Variants in MED12L observed in about 807,000 individuals in gnomAD.
The protein encoded by MED12L is mediator of RNA polymerase II transcription subunit 12-like protein.
In MED12L, 60 loss-of-function variants were observed where a neutral mutation model predicts 281.3. The observed-to-expected ratio is 0.21, with a 90% confidence interval of 0.17 to 0.26. The LOEUF (loss-of-function observed/expected upper bound fraction) is 0.26, where lower values mean the gene tolerates loss of function less well. Ranked by LOEUF, MED12L falls within the 10% of genes least tolerant of loss-of-function variation. The pLI, the probability that MED12L is intolerant of heterozygous loss-of-function variation, is 1.00. For synonymous variants in MED12L, 974 were observed against 987.2 expected, an observed-to-expected ratio of 0.99 and a Z score of 0.25; for missense variants, 2,146 against 2,680.9, an observed-to-expected ratio of 0.80 and a Z score of 4.41.
intron 16 of MED12L, among the ~76,000 whole-genome samples, chr3:151,310,403 CT>C (rs1236826281): frequency 1.3e-5 from 2 of 152,202 alleles, no homozygotes; most frequent in Non-Finnish European, 2.9e-5. Context: ...CTGGATTAAG[CT>C]TTGAGTTGGT....
At chr3:151,374,680 A>G (rs1756607162) in intron 27 of MED12L, among the ~76,000 whole-genome samples, 1 of 152,220 alleles carries the variant, frequency 6.6e-6, no homozygotes, top group African/African-American at 2.4e-5. Context: ...TTCAAAAATT[A>G]TTTGAACTTT....
At chr3:151,278,687 A>G (rs79088687) in intron 16 of MED12L, among the ~76,000 whole-genome samples, 2,639 of 152,316 alleles carry the variant, frequency 0.017, 77 homozygotes, top group African/African-American at 0.06. Flanking sequence ...GTCAAATTCA[A>G]CATGTGGTAT....
intron 41 of MED12L, among the ~76,000 whole-genome samples, 200 bp downstream of exon 41, chr3:151,411,707 A>G (rs969363384): frequency 6.6e-6 from 1 of 152,214 alleles, no homozygotes; most frequent in African/African-American, 2.4e-5. Context: ...TTATTTCATT[A>G]AAGATCCTTA....
chr3:151,252,757 T>C (rs898676133), intron 16 of MED12L, among the ~76,000 whole-genome samples: 2 of 152,188 alleles, frequency 1.3e-5, no homozygotes, highest in Non-Finnish European at 2.9e-5. Flanking sequence ...GGTTTGTTCA[T>C]ATGTAATCTA....
intron 38 of MED12L, among the ~76,000 whole-genome samples, 180 bp from the exon 39 acceptor site, chr3:151,394,476 T>A (rs62285887): frequency 0.026 from 4,005 of 152,352 alleles, 74 homozygotes; most frequent in Middle Eastern, 0.058. Context: ...ACTCCCCTCA[T>A]CTTTTGTAAG....
chr3:151,287,162 G>C lies in MED12L; in HGVS notation c.2251-62897G>C, dbSNP rs147214520. Among the ~76,000 whole-genome samples the C allele has an allele frequency of 3.6e-3, 553 of 152,316 alleles. 3 individuals are homozygous for C. Among genetic ancestry groups the C allele is most frequent in the Non-Finnish European group, 5.2e-3 (356 of 68,032 alleles). On this transcript the variant is annotated intron_variant, in intron 16 of 44. Transcript: ENST00000687756. ...AGTCAATGTTAAAAGTTCTAGAAAA[G>C]AGTATGCAAAAGACTGGCAAGGAGC...
chr3:151,322,172 A>G (rs560214836), intron 16 of MED12L, among the ~76,000 whole-genome samples: 2 of 152,148 alleles, frequency 1.3e-5, no homozygotes, highest in African/African-American at 4.8e-5. Context: ...AACTAATATA[A>G]AAGCTGATTT....
intron 22 of MED12L, 69 bp downstream of exon 22, chr3:151,365,275 A>G: frequency 7.7e-7 from 1 of 1,300,342 alleles, no homozygotes; most frequent in Non-Finnish European, 1.1e-6. Context: ...TTTGAAATTG[A>G]TGTCGTTAGT....
intron 5 of MED12L, among the ~76,000 whole-genome samples, chr3:151,145,448 C>T (rs1026312161): frequency 2.0e-5 from 3 of 152,214 alleles, no homozygotes; most frequent in African/African-American, 7.2e-5. Flanking sequence ...GAGTATCAGA[C>T]TTGCATATCC....
intron 16 of MED12L, among the ~76,000 whole-genome samples, chr3:151,255,894 G>A (rs1021588158): frequency 2.0e-5 from 3 of 152,156 alleles, no homozygotes; most frequent in African/African-American, 7.2e-5. Context: ...TCTGCAAAAA[G>A]AGTCTAGTAC....
At chr3:151,235,972 G>A (rs1004596525) in intron 16 of MED12L, among the ~76,000 whole-genome samples, 5 of 151,950 alleles carry the variant, frequency 3.3e-5, no homozygotes, top group Non-Finnish European at 5.9e-5. Context: ...AAAAGTAATT[G>A]TGGTTTTTGT....
intron 16 of MED12L, among the ~76,000 whole-genome samples, chr3:151,209,264 G>C (rs758654912): frequency 1.3e-5 from 2 of 152,170 alleles, no homozygotes; most frequent in Admixed American, 1.3e-4. Context: ...AAAATCTTGA[G>C]ATTGCTTTGG....
intron 27 of MED12L, among the ~76,000 whole-genome samples, chr3:151,373,188 G>A (rs1424233812): frequency 6.6e-6 from 1 of 152,018 alleles, no homozygotes; most frequent in Non-Finnish European, 1.5e-5. Flanking sequence ...TTTATTAATT[G>A]TCCCAGTATT....
chr3:151,254,561 C>T (rs928736100), intron 16 of MED12L, among the ~76,000 whole-genome samples: 7 of 152,146 alleles, frequency 4.6e-5, no homozygotes, highest in East Asian at 3.8e-4. Flanking sequence ...ATAATTTGAA[C>T]CAAACCTTAT....
At chr3:151,233,484 A>C (rs915216067) in intron 16 of MED12L, among the ~76,000 whole-genome samples, 6 of 152,250 alleles carry the variant, frequency 3.9e-5, no homozygotes, top group Non-Finnish European at 8.8e-5. Flanking sequence ...CTGTAATCCC[A>C]ACACTTTGGG....
intron 16 of MED12L, among the ~76,000 whole-genome samples, chr3:151,320,017 GT>G (rs1190233257): frequency 6.6e-6 from 1 of 152,140 alleles, no homozygotes; most frequent in Non-Finnish European, 1.5e-5. Context: ...GTTTTCTCAT[GT>G]TTTTGATATG....
At chr3:151,400,377 A>T (rs1215919423) in intron 39 of MED12L, among the ~76,000 whole-genome samples, 2 of 152,222 alleles carry the variant, frequency 1.3e-5, no homozygotes, top group African/African-American at 4.8e-5. Flanking sequence ...CAAATTGGTT[A>T]AAAAATGCAC....
intron 16 of MED12L, among the ~76,000 whole-genome samples, chr3:151,248,595 T>G (rs1386819266): frequency 2.0e-5 from 3 of 152,168 alleles, no homozygotes; most frequent in Non-Finnish European, 4.4e-5. Flanking sequence ...ATAATAAGTA[T>G]TTTTAAAATA....
chr3:151,419,206 T>C (rs1275221626), intron 43 of MED12L, among the ~76,000 whole-genome samples: 2 of 152,240 alleles, frequency 1.3e-5, no homozygotes, highest in Non-Finnish European at 2.9e-5. Flanking sequence ...TAGTTAGGGT[T>C]CTCTAGAGGG....
Sources: allele counts gnomAD v4.1 joint callset (sites outside exome capture counted in the v4.1 genomes callset), GRCh38; gene constraint gnomAD v4.1.1; transcripts MANE v1.5; gene names NCBI Gene and HGNC (gene_info 2026-07-23, HGNC 2026-07-21).